The following HAUS8 variants were observed in gnomAD, a reference collection of about 807,000 sequenced individuals.
HAUS8 encodes the protein HAUS augmin-like complex subunit 8.
In HAUS8, 38 loss-of-function variants were observed where a neutral mutation model predicts 42.9. The ratio of observed to expected loss-of-function variants is 0.89; its 90% CI spans 0.68 to 1.16. The LOEUF is 1.16. Among genes scored for constraint, HAUS8 ranks in the 50% most tolerant of loss-of-function variants. HAUS8 has a pLI of 0.00. For missense variants in HAUS8, 494 were observed against 511.6 expected, an observed-to-expected ratio of 0.97 and a Z score of 0.33; for synonymous variants, 199 against 205.8, an observed-to-expected ratio of 0.97 and a Z score of 0.28.
intron 2 of HAUS8, among the ~76,000 whole-genome samples, chr19:17,070,719 C>T (rs1019085416): frequency 2.6e-5 from 4 of 152,202 alleles, no homozygotes; most frequent in Admixed American, 6.5e-5. Flanking sequence ...TTGTCTCCTT[C>T]GCTCGCTGCT....
chr19:17,052,162 C>T (rs1476588241), intron 10 of HAUS8: 1 of 151,626 alleles, frequency 6.6e-6, no homozygotes. Context: ...GAAACAAGGT[C>T]TCACCATGTT....
rs539447799 is a variant in HAUS8, at chr19:17,050,291, C to T, written c.930-115G>A. 108 of 649,372 alleles carry T rather than the reference C, an allele frequency of 1.7e-4. 3 individuals are homozygous for T. The South Asian group carries it at 4.0e-3, about 24-fold the overall frequency. 40.2% of individuals were successfully genotyped at this position (649,372 alleles called of 1,614,324 possible). A position where few individuals can be genotyped will look rare whatever the true frequency, so the allele number is the denominator to read the frequency against. ...CGGATTTTCACATGCCCTACGTGCT[C>T]AGTGGGAAAGGGCCAGCAAATAAGA... On this transcript the variant is annotated intron_variant, in intron 10 of 10. Coordinates refer to ENST00000253669, the MANE Select transcript of HAUS8 (RefSeq NM_033417.2).
intron 2 of HAUS8, 154 bp from the exon 3 acceptor site, chr19:17,069,240 T>A: frequency 1.5e-6 from 1 of 687,928 alleles, no homozygotes; most frequent in Non-Finnish European, 2.6e-6. Flanking sequence ...TCGCCTCTGA[T>A]CACGTCCTTC....
intron 4 of HAUS8, among the ~76,000 whole-genome samples, chr19:17,060,420 T>G (rs1366563802): frequency 6.6e-6 from 1 of 152,152 alleles, no homozygotes; most frequent in Non-Finnish European, 1.5e-5. Context: ...CTTTCCACCT[T>G]TTTTGTTTTT....
chr19:17,057,253 G>A (rs1366626654), intron 8 of HAUS8, among the ~76,000 whole-genome samples: 1 of 152,044 alleles, frequency 6.6e-6, no homozygotes, highest in Admixed American at 6.5e-5. Flanking sequence ...AGGAAGCTCA[G>A]GTATGAGAGT....
intron 2 of HAUS8, 51 bp from the exon 3 acceptor site, chr19:17,069,137 C>A (rs751313840): frequency 2.0e-6 from 3 of 1,534,438 alleles, no homozygotes; most frequent in Non-Finnish European, 2.7e-6. Context: ...GACCGAAGAC[C>A]CCACACACCC....
At chr19:17,058,734 G>C in intron 7 of HAUS8, 27 bp from the exon 8 acceptor site, 1 of 1,603,962 alleles carries the variant, frequency 6.2e-7, no homozygotes, top group Non-Finnish European at 8.5e-7. Flanking sequence ...AAAAGCTCAA[G>C]CAGGTGGGGA....
At position 17,051,298 on chromosome 19, in the gene HAUS8, G is replaced by A. The variant is rs773941776; in HGVS notation, c.930-1122C>T. On this transcript the variant is annotated intron_variant, in intron 10 of 10. Transcript: ENST00000253669. ...CTTTTCCAATATTTTAAGCAACTCA[G>A]GAAAAAGATTTAGCATTGTAAAAAA... is the stretch of plus-strand genomic sequence containing the variant. 3.4e-4 allele frequency among the ~76,000 whole-genome samples: 51 copies of A among 151,764 alleles called. 1 individual carries two copies. In the Middle Eastern group the frequency reaches 0.01, roughly 30 times the overall value.
intron 9 of HAUS8, chr19:17,055,202 T>G: frequency 1.1e-5 from 1 of 94,514 alleles, no homozygotes; most frequent in Non-Finnish European, 1.9e-5. Context: ...AAGCCAGGTG[T>G]GGTGGTGCCC....
At chr19:17,056,386 G>A (rs1201487765) in intron 8 of HAUS8, among the ~76,000 whole-genome samples, 2 of 152,164 alleles carry the variant, frequency 1.3e-5, no homozygotes, top group African/African-American at 2.4e-5. Context: ...TGACCCTTGA[G>A]CAACACGGGA....
At chr19:17,053,085 A>G in intron 9 of HAUS8, 119 bp from the exon 10 acceptor site, 1 of 1,182,250 alleles carries the variant, frequency 8.5e-7, no homozygotes, top group Non-Finnish European at 1.2e-6. Flanking sequence ...GGAACCGTGG[A>G]GAGCGCACAG....
At chr19:17,056,558 CACAGACACACAT>C (rs1412621613) in intron 8 of HAUS8, among the ~76,000 whole-genome samples, 3 of 152,126 alleles carry the variant, frequency 2.0e-5, no homozygotes, top group South Asian at 4.1e-4. Context: ...TACACACACA[CACAGACACACAT>C]ACAGACACAC....
At chr19:17,066,329 T>TCCTC (rs1191470994) in intron 3 of HAUS8, among the ~76,000 whole-genome samples, 1 of 152,092 alleles carries the variant, frequency 6.6e-6, no homozygotes, top group Non-Finnish European at 1.5e-5. Flanking sequence ...CCTCAAGCAA[T>TCCTC]CCTCCCATTT....
At chr19:17,060,255 A>C in intron 4 of HAUS8, 163 bp from the exon 5 acceptor site, 1 of 553,448 alleles carries the variant, frequency 1.8e-6, no homozygotes, top group Non-Finnish European at 3.2e-6. Context: ...AAACCTGTGG[A>C]AATTCCCAGC....
At chr19:17,050,263 A>G in intron 10 of HAUS8, 87 bp from the exon 11 acceptor site, 1 of 1,067,550 alleles carries the variant, frequency 9.4e-7, no homozygotes, top group Non-Finnish European at 1.3e-6. Context: ...CCACACGGGG[A>G]GGCGGATTTT....
At chr19:17,060,207 C>T (rs997800034) in intron 4 of HAUS8, 115 bp from the exon 5 acceptor site, 11 of 407,320 alleles carry the variant, frequency 2.7e-5, no homozygotes, top group Middle Eastern at 4.5e-4. Flanking sequence ...AGCCCAATTT[C>T]GTCCAAGGTG....
At chr19:17,075,505 T>C (rs2057467998), upstream of HAUS8, 6 of 1,501,276 alleles carry the variant, frequency 4.0e-6, no homozygotes, top group Non-Finnish European at 5.5e-6. Context: ...GGACCATTTG[T>C]GGAGACGCAG....
At chr19:17,066,294 G>A (rs2057386938) in intron 3 of HAUS8, among the ~76,000 whole-genome samples, 7 of 151,136 alleles carry the variant, frequency 4.6e-5, no homozygotes, top group Middle Eastern at 3.2e-3. Context: ...ACGGGGTCTC[G>A]CCCATGCTAG....
chr19:17,068,781 G>A (rs2057403244), intron 3 of HAUS8, among the ~76,000 whole-genome samples: 1 of 152,012 alleles, frequency 6.6e-6, no homozygotes, highest in Admixed American at 6.6e-5. Flanking sequence ...AAAAAAAAGG[G>A]TAAGAACGAT....
Sources: allele counts gnomAD v4.1 joint callset (sites outside exome capture counted in the v4.1 genomes callset), GRCh38; gene constraint gnomAD v4.1.1; transcripts MANE v1.5; gene names NCBI Gene and HGNC (gene_info 2026-07-23, HGNC 2026-07-21).